Variants in SLC9A9 observed in about 807,000 individuals in gnomAD.
SLC9A9 encodes solute carrier family 9 member A9, also known as sodium/hydrogen exchanger 9.
A neutral mutation model predicts 77.8 loss-of-function variants in SLC9A9; 62 were observed. The observed-to-expected ratio is 0.80, with a 90% CI of 0.65 to 0.98. SLC9A9 has a LOEUF of 0.98. SLC9A9 is among the 50% of genes least tolerant of loss of function. SLC9A9 has a pLI of 0.00. For synonymous variants in SLC9A9, 320 were observed against 283.5 expected (o/e 1.13, Z -1.29); for missense variants, 775 against 774.9 (o/e 1.00, Z 0.00).
At chr3:143,360,406 A>G (rs2032716131) in intron 14 of SLC9A9, among the ~76,000 whole-genome samples, 1 of 152,126 alleles carries the variant, frequency 6.6e-6, no homozygotes, top group African/African-American at 2.4e-5. Flanking sequence ...ATTAATCATC[A>G]GTTTTGGCAT....
intron 14 of SLC9A9, among the ~76,000 whole-genome samples, chr3:143,336,710 G>A (rs1322925054): frequency 6.6e-6 from 1 of 152,116 alleles, no homozygotes; most frequent in Admixed American, 6.5e-5. Context: ...TTAACTGAAA[G>A]CAGGTTGGTG....
intron 6 of SLC9A9, among the ~76,000 whole-genome samples, chr3:143,601,074 T>C (rs9846132): frequency 0.31 from 47,435 of 152,172 alleles, 7,944 homozygotes; most frequent in Non-Finnish European, 0.39. Context: ...ACAGTCTCAA[T>C]AATGACAGTG....
intron 6 of SLC9A9, among the ~76,000 whole-genome samples, chr3:143,597,302 C>T (rs1432067954): frequency 6.6e-6 from 1 of 152,152 alleles, no homozygotes. Flanking sequence ...CTCGGCTCGG[C>T]TCAACACGGC....
chr3:143,657,212 T>C (rs2038905577), intron 5 of SLC9A9, among the ~76,000 whole-genome samples: 1 of 151,976 alleles, frequency 6.6e-6, no homozygotes, highest in African/African-American at 2.4e-5. Context: ...AGAGAAACAA[T>C]GCCAGATCTA....
intron 6 of SLC9A9, among the ~76,000 whole-genome samples, chr3:143,642,198 G>A (rs9856801): frequency 0.012 from 1,847 of 152,268 alleles, 18 homozygotes; most frequent in Non-Finnish European, 0.02. Flanking sequence ...CTATCCTCTA[G>A]CAGCTAAGCA....
rs183494211 is a variant in SLC9A9 at position 143,270,212 on chromosome 3, G to A, written c.1605-1232C>T. On this transcript the variant is annotated intron_variant, in intron 14 of 15. Coordinates refer to ENST00000316549, the MANE Select transcript of SLC9A9 (RefSeq NM_173653.4). ...TGAAGATATTAAAGTTCAGAGCCTG[G>A]TATTTGGTGTAATATCTTGTAAATA... Among the ~76,000 whole-genome samples the A allele has an allele frequency of 3.0e-4, 46 of 152,308 alleles. No homozygotes were observed. The East Asian group carries it at 8.9e-3, about 29-fold the overall frequency.
At chr3:143,323,539 G>A (rs1206851360) in intron 14 of SLC9A9, among the ~76,000 whole-genome samples, 1 of 152,144 alleles carries the variant, frequency 6.6e-6, no homozygotes, top group Non-Finnish European at 1.5e-5. Context: ...GAGGTAGAGA[G>A]TGTAAAAGAT....
In SLC9A9 at chr3:143,782,739, C is replaced by T. The variant is rs562461373; in HGVS notation, c.533+12262G>A. 5.3e-5 allele frequency among the ~76,000 whole-genome samples: 8 copies of T among 152,232 alleles called. 1 individual carries two copies. In the South Asian group the frequency reaches 1.7e-3, roughly 32 times the overall value. On this transcript the variant is annotated intron_variant, in intron 4 of 15. Transcript: ENST00000316549. ...TGCATTTTACAAATCTTTTTATGAA[C>T]TCATTGATTCATTTGGCAATTAAAA...
chr3:143,337,685 G>A (rs2031971647), intron 14 of SLC9A9, among the ~76,000 whole-genome samples: 1 of 152,214 alleles, frequency 6.6e-6, no homozygotes, highest in East Asian at 1.9e-4. Context: ...AAGTGCCCCA[G>A]GGGATTCTGA....
chr3:143,329,430 C>T (rs1392513225), intron 14 of SLC9A9, among the ~76,000 whole-genome samples: 1 of 152,166 alleles, frequency 6.6e-6, no homozygotes, highest in African/African-American at 2.4e-5. Context: ...GCATCAGATC[C>T]CTATTGACAT....
chr3:143,329,294 G>A (rs1271941515), intron 14 of SLC9A9, among the ~76,000 whole-genome samples: 1 of 152,164 alleles, frequency 6.6e-6, no homozygotes, highest in African/African-American at 2.4e-5. Context: ...TAGTTGATGG[G>A]TGAGTAAAGA....
intron 5 of SLC9A9, among the ~76,000 whole-genome samples, chr3:143,688,150 T>C (rs759018310): frequency 6.6e-6 from 1 of 151,854 alleles, no homozygotes; most frequent in African/African-American, 2.4e-5. Flanking sequence ...GGGGTTTTGC[T>C]ATGTTGTTCA....
intron 6 of SLC9A9, among the ~76,000 whole-genome samples, chr3:143,591,718 G>A (rs1046009851): frequency 3.9e-5 from 6 of 152,026 alleles, no homozygotes; most frequent in Admixed American, 1.3e-4. Flanking sequence ...CCATAGCCAT[G>A]CCATGGAGGA....
chr3:143,737,518 G>A (rs903979699), intron 4 of SLC9A9, among the ~76,000 whole-genome samples: 13 of 151,422 alleles, frequency 8.6e-5, no homozygotes, highest in Non-Finnish European at 1.5e-4. Context: ...TCTCACGAAT[G>A]GCAGAGCTGG....
chr3:143,644,588 A>G (rs2038673709), intron 6 of SLC9A9, among the ~76,000 whole-genome samples: 1 of 152,208 alleles, frequency 6.6e-6, no homozygotes, highest in Non-Finnish European at 1.5e-5. Flanking sequence ...TGGGCAGCAC[A>G]CCGAGCACAC....
chr3:143,663,471 G>A (rs11920179), intron 5 of SLC9A9, among the ~76,000 whole-genome samples: 233 of 152,322 alleles, frequency 1.5e-3, no homozygotes, highest in African/African-American at 5.4e-3. Flanking sequence ...CGAATTCGAC[G>A]AGTTGATAGA....
intron 12 of SLC9A9, among the ~76,000 whole-genome samples, chr3:143,402,987 AT>A (rs2033898288): frequency 6.6e-6 from 1 of 150,430 alleles, no homozygotes; most frequent in African/African-American, 2.4e-5. Context: ...TCTGCTTTGG[AT>A]TTATAATAAC....
At chr3:143,599,705 T>G (rs1384995929) in intron 6 of SLC9A9, among the ~76,000 whole-genome samples, 1 of 151,908 alleles carries the variant, frequency 6.6e-6, no homozygotes, top group Non-Finnish European at 1.5e-5. Context: ...CATCCTTAAA[T>G]ATTAAAATGT....
rs561135604 is a variant in SLC9A9, at chr3:143,424,121, T to TG, written c.1470-42008dup. 2.4e-3 allele frequency among the ~76,000 whole-genome samples: 368 copies of TG among 152,302 alleles called. 1 individual carries two copies. The highest frequency in any genetic ancestry group is 4.2e-3 in the Non-Finnish European group (288 of 68,026). ...TGATTTAAAGGGCTGAGTGAACATG[T>TG]GAAACCTGAATGATTCTGGTGGTTG... On this transcript the variant is annotated intron_variant, in intron 12 of 15. Coordinates refer to ENST00000316549, the MANE Select transcript of SLC9A9 (RefSeq NM_173653.4).
Sources: allele counts gnomAD v4.1 joint callset (sites outside exome capture counted in the v4.1 genomes callset), GRCh38; gene constraint gnomAD v4.1.1; transcripts MANE v1.5; gene names NCBI Gene and HGNC (gene_info 2026-07-23, HGNC 2026-07-21).